Variants in DSTN observed in about 807,000 individuals in gnomAD.
DSTN encodes the protein destrin, actin depolymerizing factor.
Under a neutral mutation model 16.8 loss-of-function variants are expected in DSTN, and 10 were observed. The observed-to-expected ratio is 0.60, with a 90% CI of 0.37 to 1.01. The LOEUF (loss-of-function observed/expected upper bound fraction) is 1.01. DSTN is among the 50% of genes least tolerant of loss of function. DSTN has a pLI of 0.01. For synonymous variants in DSTN, 57 were observed against 58.9 expected, an observed-to-expected ratio of 0.97 and a Z score of 0.14; for missense variants, 141 against 196.7, an observed-to-expected ratio of 0.72 and a Z score of 1.69.
intron 1 of DSTN, among the ~76,000 whole-genome samples, chr20:17,593,924 T>A (rs200436628): frequency 3.5e-5 from 5 of 144,566 alleles, no homozygotes; most frequent in African/African-American, 1.0e-4. Flanking sequence ...ACAAAAAAAA[T>A]TTTAAAAATT....
chr20:17,603,710 G>T (rs3748500), intron 2 of DSTN, among the ~76,000 whole-genome samples: 1 of 152,182 alleles, frequency 6.6e-6, no homozygotes, highest in Non-Finnish European at 1.5e-5. Flanking sequence ...GAGGGAGAAC[G>T]TGCTCCAATG....
chr20:17,584,373 G>A (rs919273229), intron 1 of DSTN, among the ~76,000 whole-genome samples: 3 of 152,252 alleles, frequency 2.0e-5, no homozygotes, highest in African/African-American at 7.2e-5. Context: ...TTACCTGCAG[G>A]GCACAGTGGC....
intron 1 of DSTN, among the ~76,000 whole-genome samples, chr20:17,592,338 G>A (rs768461133): frequency 1.1e-4 from 17 of 150,992 alleles, no homozygotes; most frequent in Non-Finnish European, 2.5e-4. Flanking sequence ...GAGGTGGGAG[G>A]ATCGCTTGAG....
At position 17,581,122 on chromosome 20, in the gene DSTN, C is replaced by T. The variant is rs75731428; in HGVS notation, c.3+10911C>T. On this transcript the variant is annotated intron_variant, in intron 1 of 3. Transcript: ENST00000246069. ...GGAGGTGTTAAGTAGTGTAGTGGAG[C>T]GAGATATGATTTATCCCTGTGGTTG... is the stretch of plus-strand genomic sequence containing the variant. Among the ~76,000 whole-genome samples the T allele has an allele frequency of 1.1e-4, 16 of 152,060 alleles. No individual in the cohort carries two copies. The Middle Eastern group carries it at 0.01, about 98-fold the overall frequency.
At chr20:17,604,255 C>G (rs1334237066) in intron 2 of DSTN, among the ~76,000 whole-genome samples, 3 of 152,106 alleles carry the variant, frequency 2.0e-5, no homozygotes, top group Non-Finnish European at 2.9e-5. Context: ...GTGAAGTACT[C>G]AGTGTTGGTT....
At chr20:17,588,692 G>A (rs1467748202) in intron 1 of DSTN, among the ~76,000 whole-genome samples, 1 of 152,170 alleles carries the variant, frequency 6.6e-6, no homozygotes, top group African/African-American at 2.4e-5. Flanking sequence ...GCTGAGGCAG[G>A]AGAATGGCGT....
At chr20:17,585,003 T>C (rs1033157352) in intron 1 of DSTN, among the ~76,000 whole-genome samples, 1 of 152,210 alleles carries the variant, frequency 6.6e-6, no homozygotes, top group African/African-American at 2.4e-5. Flanking sequence ...TGTAGATTAT[T>C]TTCCTAGAAT....
intron 1 of DSTN, among the ~76,000 whole-genome samples, chr20:17,574,833 C>CTTT (rs1228639916): frequency 9.1e-6 from 1 of 110,264 alleles, no homozygotes; most frequent in Admixed American, 8.9e-5. Flanking sequence ...TTTTTCCTTT[C>CTTT]TTTTTTCTTT....
chr20:17,590,135 T>A (rs2035454086), intron 1 of DSTN, among the ~76,000 whole-genome samples: 1 of 152,194 alleles, frequency 6.6e-6, no homozygotes, highest in African/African-American at 2.4e-5. Context: ...ATTAGAAAAA[T>A]TTAATGCTCA....
intron 1 of DSTN, among the ~76,000 whole-genome samples, chr20:17,598,427 CATT>C (rs1289063833): frequency 6.6e-6 from 1 of 152,160 alleles, no homozygotes; most frequent in Non-Finnish European, 1.5e-5. Flanking sequence ...AGAGGTATCT[CATT>C]ATGGTTTTGA....
intron 2 of DSTN, 105 bp from the exon 3 acceptor site, chr20:17,604,450 A>G (rs756327529): frequency 8.7e-7 from 1 of 1,151,082 alleles, no homozygotes; most frequent in Non-Finnish European, 1.2e-6. Flanking sequence ...ATCTCAGGAG[A>G]GTCTGAGGAT....
Position 17,570,170 on chromosome 20 carries a change from G to C in DSTN, c.-39G>C. The stretch of plus-strand genomic sequence containing the variant: ...ACGGTCTGCATACTCGCTGCCCGCC[G>C]GCTCCCTCCCCCGCGTCCCTGCGAC... On this transcript the variant is annotated 5_prime_UTR_variant, in exon 1 of 4. Transcript: ENST00000246069. 1 of 1,518,864 alleles carries C rather than the reference G, an allele frequency of 6.6e-7. No individual in the cohort carries two copies. The allele number at this position is 1,518,864 out of a possible 1,614,324, so 94.1% of individuals were successfully genotyped here.
intron 3 of DSTN, chr20:17,605,059 T>C (rs552151075): frequency 1.8e-4 from 80 of 456,916 alleles, no homozygotes; most frequent in African/African-American, 1.5e-3. Context: ...TTTCTCCAGC[T>C]TTACTGTTGA....
chr20:17,581,155 G>A (rs185806441), intron 1 of DSTN, among the ~76,000 whole-genome samples: 6 of 152,234 alleles, frequency 3.9e-5, no homozygotes, highest in Non-Finnish European at 7.4e-5. Context: ...TTGATGTGTA[G>A]AGACATACAA....
At chr20:17,570,577 G>A (rs916575351) in intron 1 of DSTN, among the ~76,000 whole-genome samples, 1 of 151,938 alleles carries the variant, frequency 6.6e-6, no homozygotes, top group African/African-American at 2.4e-5. Flanking sequence ...CCGAGGCCGG[G>A]GAGTGGGGGG....
At chr20:17,601,626 C>G (rs2122206823) in intron 2 of DSTN, among the ~76,000 whole-genome samples, 1 of 152,348 alleles carries the variant, frequency 6.6e-6, no homozygotes, top group South Asian at 2.1e-4. Flanking sequence ...GTAGCCACAT[C>G]TGACTAGTGG....
Position 17,592,429 on chromosome 20 carries a change from C to CA in DSTN, c.4-8290dup, listed in dbSNP as rs35327345. Among the ~76,000 whole-genome samples the CA allele has an allele frequency of 6.9e-3, 759 of 109,506 alleles. 9 individuals carry two copies. Among genetic ancestry groups the CA allele is most frequent in the East Asian group, 0.027 (109 of 4,088 alleles). The allele number at this position is 109,506 out of a possible 152,430, so 71.8% of individuals were successfully genotyped here. A position where few individuals can be genotyped will look rare whatever the true frequency, so the allele number is the denominator to read the frequency against. On this transcript the variant is annotated intron_variant, in intron 1 of 3. Transcript: ENST00000246069. ...TGGATGACACAGAGAGACCTTGTCT[C>CA]AAAAAAAAAAAAAAAAAAATCTCGG...
At chr20:17,597,497 A>C (rs1160762988) in intron 1 of DSTN, among the ~76,000 whole-genome samples, 1 of 152,168 alleles carries the variant, frequency 6.6e-6, no homozygotes, top group Non-Finnish European at 1.5e-5. Flanking sequence ...TGGGGGTACA[A>C]GTGTAATTTT....
At chr20:17,580,392 A>G (rs373465160) in intron 1 of DSTN, among the ~76,000 whole-genome samples, 1 of 152,196 alleles carries the variant, frequency 6.6e-6, no homozygotes, top group African/African-American at 2.4e-5. Flanking sequence ...GGAGGAAGAG[A>G]CAAAAAAGAC....
Sources: gnomAD v4.1 joint callset for allele counts (sites outside exome capture counted in the v4.1 genomes callset) on GRCh38, gnomAD v4.1.1 for gene constraint, MANE v1.5 for transcripts, NCBI Gene and HGNC (gene_info 2026-07-23, HGNC 2026-07-21) for gene names.